The following ESR1 variants were observed in gnomAD, a reference collection of about 807,000 sequenced individuals.
The protein encoded by ESR1 is estrogen receptor 1.
Under a neutral mutation model 52.7 loss-of-function variants are expected in ESR1, and 12 were observed. The ratio of observed to expected loss-of-function variants is 0.23; its 90% CI spans 0.15 to 0.37. The LOEUF (loss-of-function observed/expected upper bound fraction) is 0.37. ESR1 is among the 10% of genes least tolerant of loss of function. The pLI is 1.00. For missense variants in ESR1, 584 were observed against 779.7 expected (o/e 0.75, Z 2.99); for synonymous variants, 305 against 316.8 (o/e 0.96, Z 0.39).
At chr6:151,809,090 C>T in intron 1 of ESR1, 1 of 352,116 alleles carries the variant, frequency 2.8e-6, no homozygotes, top group Non-Finnish European at 6.0e-6. Context: ...TAAAACAAGC[C>T]ATATGGAAGC....
chr6:151,776,158 A>G (rs1221583598), intron 2 of ESR1, among the ~76,000 whole-genome samples: 1 of 152,212 alleles, frequency 6.6e-6, no homozygotes, highest in Non-Finnish European at 1.5e-5. Flanking sequence ...ATCTGAAAGC[A>G]GGAGTCAGAA....
chr6:152,056,055 AG>A (rs1317670189), intron 5 of ESR1, among the ~76,000 whole-genome samples: 2 of 152,214 alleles, frequency 1.3e-5, no homozygotes, highest in Non-Finnish European at 2.9e-5. Flanking sequence ...GGTGGCATCA[AG>A]ATTTGAACCC....
chr6:151,688,954 G>A (rs1043994069), upstream of ESR1, among the ~76,000 whole-genome samples: 7 of 152,166 alleles, frequency 4.6e-5, no homozygotes, highest in East Asian at 1.9e-4. Flanking sequence ...GAATGCAAAC[G>A]AATATCAATA....
In ESR1 at chr6:151,991,742, C is replaced by T. The variant is rs540580887; in HGVS notation, c.1097-19914C>T. Reference sequence around the variant, plus strand: ...GAAGCTTAGAAGTACTTCTGCTTCACGTCTGTGATTCTGCCTCTCCCCTTG... The same window carrying T: ...GAAGCTTAGAAGTACTTCTGCTTCATGTCTGTGATTCTGCCTCTCCCCTTG... On this transcript the variant is annotated intron_variant, in intron 4 of 7. Transcript: ENST00000206249. Among the ~76,000 whole-genome samples, 42 of 152,266 alleles carry T rather than the reference C, an allele frequency of 2.8e-4. 1 individual carries two copies. The highest frequency in any genetic ancestry group is 2.6e-3 in the Admixed American group (39 of 15,294).
At chr6:151,668,140 G>A (rs1438453386) in intron 1 of ESR1, among the ~76,000 whole-genome samples, 2 of 152,170 alleles carry the variant, frequency 1.3e-5, no homozygotes, top group African/African-American at 4.8e-5. Flanking sequence ...CTGGTGACTA[G>A]GAAGTCCAAG....
At chr6:151,934,103 C>A (rs1394406052) in intron 3 of ESR1, among the ~76,000 whole-genome samples, 1 of 152,180 alleles carries the variant, frequency 6.6e-6, no homozygotes, top group Non-Finnish European at 1.5e-5. Flanking sequence ...CTTACTTTTT[C>A]CTTGTTCAGG....
chr6:151,870,531 G>C (rs952455866), intron 2 of ESR1, among the ~76,000 whole-genome samples: 1 of 152,160 alleles, frequency 6.6e-6, no homozygotes, highest in African/African-American at 2.4e-5. Context: ...TTGTGAATGC[G>C]ACAGACCTGG....
At chr6:151,791,081 T>C (rs1398245745) in intron 2 of ESR1, among the ~76,000 whole-genome samples, 2 of 152,174 alleles carry the variant, frequency 1.3e-5, no homozygotes, top group African/African-American at 4.8e-5. Context: ...CCCAGACGGC[T>C]GGTCTGCTGC....
chr6:151,983,947 A>G (rs539626972), intron 4 of ESR1: 1 of 152,216 alleles, frequency 6.6e-6, no homozygotes, highest in Admixed American at 6.5e-5. Context: ...GTCCCTGGTA[A>G]GGATCAAGTA....
In ESR1 at chr6:151,747,029, T is replaced by G. The variant is rs925328291; in HGVS notation, c.-71+45024T>G. 2.9e-4 allele frequency among the ~76,000 whole-genome samples: 44 copies of G among 152,266 alleles called. 1 individual carries two copies. On this transcript the variant is annotated intron_variant, in intron 2 of 2. Coordinates refer to the ESR1 transcript ENST00000404742. Reference sequence around the variant, plus strand: ...TAGCACAAGCTATCCATTCTTAGGTTGTTGTATCTTCCTTGTGTCATCCCA... The same window carrying G: ...TAGCACAAGCTATCCATTCTTAGGTGGTTGTATCTTCCTTGTGTCATCCCA...
chr6:151,663,323 A>G (rs1777703473), intron 1 of ESR1, among the ~76,000 whole-genome samples: 2 of 152,176 alleles, frequency 1.3e-5, no homozygotes, highest in African/African-American at 4.8e-5. Context: ...GTTCATATTT[A>G]TATATTCATC....
chr6:151,965,127 A>T (rs2038132513), intron 4 of ESR1, among the ~76,000 whole-genome samples: 1 of 152,190 alleles, frequency 6.6e-6, no homozygotes, highest in Non-Finnish European at 1.5e-5. Context: ...GTTCATACAC[A>T]TATACACACA....
At chr6:152,002,335 C>A (rs1051163994) in intron 4 of ESR1, among the ~76,000 whole-genome samples, 2 of 151,794 alleles carry the variant, frequency 1.3e-5, no homozygotes, top group Admixed American at 6.6e-5. Flanking sequence ...GAGACTTGCT[C>A]TAAAAAAGAG....
chr6:151,682,909 T>C (rs1266995919), intron 1 of ESR1, among the ~76,000 whole-genome samples: 1 of 152,192 alleles, frequency 6.6e-6, no homozygotes, highest in Non-Finnish European at 1.5e-5. Context: ...GAAATAGAAA[T>C]ATGAACATAC....
At chr6:152,004,884 C>T (rs1318105939) in intron 4 of ESR1, among the ~76,000 whole-genome samples, 1 of 151,972 alleles carries the variant, frequency 6.6e-6, no homozygotes, top group African/African-American at 2.4e-5. Context: ...TTGAGGCATA[C>T]ACCATTTATT....
At chr6:152,004,770 AT>A (rs1234375749) in intron 4 of ESR1, among the ~76,000 whole-genome samples, 4 of 152,014 alleles carry the variant, frequency 2.6e-5, no homozygotes, top group Non-Finnish European at 5.9e-5. Flanking sequence ...CTGTTATCAG[AT>A]TGCATAGTCA....
chr6:151,668,469 G>A (rs1336805307), intron 1 of ESR1, among the ~76,000 whole-genome samples: 1 of 152,004 alleles, frequency 6.6e-6, no homozygotes, highest in African/African-American at 2.4e-5. Flanking sequence ...TTTTTTAGTA[G>A]AGACGGGGTT....
intron 2 of ESR1, among the ~76,000 whole-genome samples, chr6:151,864,830 T>C (rs35622235): frequency 0.16 from 21,461 of 133,148 alleles, no homozygotes; most frequent in African/African-American, 0.26. Flanking sequence ...CAGCAAACTA[T>C]TGCAAGGACA....
At chr6:151,722,392 G>C (rs1248444649) in intron 2 of ESR1, among the ~76,000 whole-genome samples, 1 of 152,170 alleles carries the variant, frequency 6.6e-6, no homozygotes, top group Admixed American at 6.5e-5. Flanking sequence ...GATTACATTG[G>C]AAAGAGCCTG....
Sources: gnomAD v4.1 joint callset for allele counts (sites outside exome capture counted in the v4.1 genomes callset) on GRCh38, gnomAD v4.1.1 for gene constraint, MANE v1.5 for transcripts, NCBI Gene and HGNC (gene_info 2026-07-23, HGNC 2026-07-21) for gene names.